Variants in C16orf96 observed in about 807,000 individuals in gnomAD.
C16orf96 encodes chromosome 16 open reading frame 96.
In C16orf96, 108 loss-of-function variants were observed where a neutral mutation model predicts 103.6. The ratio of observed to expected loss-of-function variants is 1.04; its 90% CI spans 0.89 to 1.22. The LOEUF is 1.22. C16orf96 is among the 50% of genes most tolerant of loss of function. C16orf96 has a pLI of 0.00. For synonymous variants in C16orf96, 566 were observed against 593.5 expected (o/e 0.95, Z 0.67); for missense variants, 1,586 against 1,464.2 (o/e 1.08, Z -1.36).
chr16:4,596,169 C>T (rs985305275), intron 14 of C16orf96, among the ~76,000 whole-genome samples: 9 of 152,158 alleles, frequency 5.9e-5, no homozygotes, highest in African/African-American at 1.9e-4. Flanking sequence ...GCTGAAGTTC[C>T]TTCATTCCCC....
Position 4,600,264 on chromosome 16 carries a change from C to T in C16orf96, c.3373C>T (p.His1125Tyr), listed in dbSNP as rs1468025058. The T allele has an allele frequency of 3.2e-6, 5 of 1,551,496 alleles. No homozygotes were observed. The highest frequency in any genetic ancestry group is 1.2e-5 in the South Asian group (1 of 84,062). The change falls in exon 16 of 16, where the codon CAC (histidine) becomes TAC (tyrosine). Residue 1125 changes from histidine (H) to tyrosine (Y), a missense_variant. Physicochemically the swap from His to Tyr is moderately conservative, Grantham distance 83. Coordinates refer to ENST00000444310, the MANE Select transcript of C16orf96 (RefSeq NM_001145011.2). Reference protein sequence around the residue: ...PGSTRLSRAPHIESRVGRKPP... With the variant: ...PGSTRLSRAPYIESRVGRKPP... Reference sequence around the variant, plus strand: ...GTCCACCAGGCTCTCAAGAGCTCCACACATTGAGTCCCGAGTCGGCAGGAA... The same window carrying T: ...GTCCACCAGGCTCTCAAGAGCTCCATACATTGAGTCCCGAGTCGGCAGGAA...
At chr16:4,579,232 A>G (rs2059552739) in intron 6 of C16orf96, among the ~76,000 whole-genome samples, 2 of 151,804 alleles carry the variant, frequency 1.3e-5, no homozygotes. Context: ...GTGGGGCTAC[A>G]CGGTTCTGTG....
intron 1 of C16orf96, among the ~76,000 whole-genome samples, chr16:4,570,449 G>A (rs2059425513): frequency 7.2e-6 from 1 of 139,044 alleles, no homozygotes; most frequent in Admixed American, 7.8e-5. Flanking sequence ...CTTTCACACT[G>A]TTCTCACAAC....
At chr16:4,541,899 G>GC in the C16orf96 span, among the ~76,000 whole-genome samples, 1 of 152,218 alleles carries the variant, frequency 6.6e-6, no homozygotes, top group African/African-American at 2.4e-5. Flanking sequence ...GTGTCCACAG[G>GC]CTCACAGGAA....
At chr16:4,569,047 G>A (rs893171069) in intron 1 of C16orf96, among the ~76,000 whole-genome samples, 3 of 152,024 alleles carry the variant, frequency 2.0e-5, no homozygotes, top group Admixed American at 6.6e-5. Flanking sequence ...TTGGCTTGCT[G>A]CAACCTCTGC....
chr16:4,560,834 A>C (rs1419315359), intron 1 of C16orf96: 1 of 151,896 alleles, frequency 6.6e-6, no homozygotes, highest in Non-Finnish European at 1.5e-5. Flanking sequence ...GACAAGACAC[A>C]AATACGTTAA....
At chr16:4,567,284 T>C (rs1290797358) in intron 1 of C16orf96, among the ~76,000 whole-genome samples, 8 of 132,418 alleles carry the variant, frequency 6.0e-5, no homozygotes, top group Non-Finnish European at 8.1e-5. Context: ...TCTTTTCTTT[T>C]TTTTTTTTTT....
chr16:4,549,778 C>CA, the C16orf96 span, among the ~76,000 whole-genome samples: 1 of 151,890 alleles, frequency 6.6e-6, no homozygotes, highest in Admixed American at 6.6e-5. Context: ...GACCCTGTCT[C>CA]AAAAAAATAA....
intron 7 of C16orf96, among the ~76,000 whole-genome samples, chr16:4,584,696 G>A (rs572329715): frequency 1.3e-5 from 2 of 152,074 alleles, no homozygotes; most frequent in East Asian, 3.9e-4. Context: ...CACCACACTC[G>A]GCTAATTTTT....
intron 1 of C16orf96, among the ~76,000 whole-genome samples, chr16:4,558,731 A>G (rs1283588682): frequency 6.6e-6 from 1 of 152,060 alleles, no homozygotes; most frequent in African/African-American, 2.4e-5. Flanking sequence ...CCTGGCCAAC[A>G]TGGTGAAACC....
rs574681175 is a variant in C16orf96 at position 4,579,208 on chromosome 16, G to C, written c.2241+183G>C. Among the ~76,000 whole-genome samples the C allele has an allele frequency of 2.1e-3, 324 of 152,178 alleles. 3 individuals carry two copies. Among genetic ancestry groups the C allele is most frequent in the African/African-American group, 7.4e-3 (307 of 41,528 alleles). On this transcript the variant is annotated intron_variant, in intron 6 of 15. Transcript: ENST00000444310. ...AAAGCTGATTCACTGGTGCGGTGGG[G>C]GGGCCCAGCAGGTGTGGGGCTACAC...
intron 2 of C16orf96, among the ~76,000 whole-genome samples, chr16:4,574,089 T>A (rs1488598337): frequency 6.6e-6 from 1 of 152,152 alleles, no homozygotes; most frequent in African/African-American, 2.4e-5. Flanking sequence ...CGCCTCAGCA[T>A]CCCAAAGTGC....
chr16:4,582,060 T>C (rs1396711389), intron 7 of C16orf96, among the ~76,000 whole-genome samples: 1 of 152,108 alleles, frequency 6.6e-6, no homozygotes, highest in Non-Finnish European at 1.5e-5. Flanking sequence ...GGCAGGCGGA[T>C]CACCTGAGGT....
In C16orf96 at chr16:4,574,783, G is replaced by A; in HGVS notation, c.600G>A (p.Arg200=). The A allele has an allele frequency of 6.4e-7, 1 of 1,551,596 alleles. No homozygotes were observed. Among genetic ancestry groups the A allele is most frequent in the Non-Finnish European group, 8.7e-7 (1 of 1,147,020 alleles). Residue 200 remains arginine, a synonymous_variant, in exon 3 of 16, where the codon CGG becomes CGA. Coordinates refer to ENST00000444310, the MANE Select transcript of C16orf96 (RefSeq NM_001145011.2). ...ACTGGAAGATGGTTGCACTGCAGCGGGAAGTGGTGAGGGCCACCATCCCTG... is the reference window on the plus strand; with the variant it reads ...ACTGGAAGATGGTTGCACTGCAGCGAGAAGTGGTGAGGGCCACCATCCCTG... ...IQNWKMVALQ[R]EVASLQNKFK...
intron 1 of C16orf96, among the ~76,000 whole-genome samples, chr16:4,569,149 TG>T (rs1017155248): frequency 1.3e-5 from 2 of 151,826 alleles, no homozygotes; most frequent in Non-Finnish European, 2.9e-5. Flanking sequence ...TTTATATTTT[TG>T]GTAGAGATGG....
chr16:4,597,267 C>T (rs375335676), intron 14 of C16orf96, among the ~76,000 whole-genome samples: 15 of 152,284 alleles, frequency 9.9e-5, no homozygotes, highest in East Asian at 3.9e-4. Context: ...AGGATCACAA[C>T]GGTGGCTAAT....
rs1555441344 is a variant in C16orf96 at position 4,600,498 on chromosome 16, C to CA, written c.*182dup. 34 of 474,484 alleles carry CA rather than the reference C, an allele frequency of 7.2e-5. 1 individual carries two copies. Among genetic ancestry groups the CA allele is most frequent in the East Asian group, 1.5e-4 (4 of 26,008 alleles). 29.4% of individuals were successfully genotyped at this position (474,484 alleles called of 1,614,324 possible). A position where few individuals can be genotyped will look rare whatever the true frequency, so the allele number is the denominator to read the frequency against. Reference sequence around the variant, plus strand: ...AGGCTGAGGCTCATGCGCCCCCCCCCATCCCTACCAAGTCCCCTCCACGTC... The same window carrying CA: ...AGGCTGAGGCTCATGCGCCCCCCCCCAATCCCTACCAAGTCCCCTCCACGTC... On this transcript the variant is annotated 3_prime_UTR_variant, in exon 16 of 16. Coordinates refer to ENST00000444310, the MANE Select transcript of C16orf96 (RefSeq NM_001145011.2).
In C16orf96 at chr16:4,575,800, A is replaced by G. The variant is rs1310144950; in HGVS notation, c.1320A>G (p.Pro440=). 2 of 1,551,028 alleles carry G rather than the reference A, an allele frequency of 1.3e-6. No individual in the cohort carries two copies. Among genetic ancestry groups the G allele is most frequent in the African/African-American group, 2.7e-5 (2 of 73,046 alleles). The change falls in exon 5 of 16, where the codon CCA becomes CCG. Residue 440 remains proline, a synonymous_variant. Transcript: ENST00000444310. ...FGSLWPRPLQ[P]YQSRQGEALQ... is the part of the protein sequence containing the mutation. ...CATTGTGGCCTCGACCACTCCAGCC[A>G]TATCAGTCTCGCCAGGGAGAAGCCC...
the C16orf96 span, among the ~76,000 whole-genome samples, chr16:4,541,974 T>C: frequency 1.3e-5 from 2 of 152,240 alleles, no homozygotes; most frequent in Non-Finnish European, 2.9e-5. Context: ...TGGCCACTTA[T>C]ATGATTCGAT....
Sources: gnomAD v4.1 joint callset for allele counts (sites outside exome capture counted in the v4.1 genomes callset) on GRCh38, gnomAD v4.1.1 for gene constraint, MANE v1.5 for transcripts, NCBI Gene and HGNC (gene_info 2026-07-23, HGNC 2026-07-21) for gene names.